The following RIF1 variants were observed in gnomAD, a reference collection of about 807,000 sequenced individuals.
RIF1 encodes the protein telomere-associated protein RIF1.
In RIF1, 45 loss-of-function variants were observed where a neutral mutation model predicts 247.1. The ratio of observed to expected loss-of-function variants is 0.18; its 90% confidence interval spans 0.14 to 0.23. RIF1 has a LOEUF of 0.23. RIF1 is among the 10% of genes least tolerant of loss of function. The pLI is 1.00. For missense variants in RIF1, 2,967 were observed against 2,862.5 expected, an observed-to-expected ratio of 1.04 and a Z score of -0.83; for synonymous variants, 1,087 against 978.8, an observed-to-expected ratio of 1.11 and a Z score of -2.06.
Position 151,463,801 on chromosome 2 carries a change from T to G in RIF1, c.4281T>G (p.Ser1427=). 1 of 1,612,622 alleles carries G rather than the reference T, an allele frequency of 6.2e-7. No individual in the cohort carries two copies. Among genetic ancestry groups the G allele is most frequent in the Non-Finnish European group, 8.5e-7 (1 of 1,179,688 alleles). ...SSRRRSEVVE[S]TTESQDKENS... ...GGCGACGTTCAGAAGTAGTAGAGTC[T>G]ACCACTGAAAGCCAAGATAAGGAAA... The change falls in exon 30 of 36, where the codon TCT becomes TCG. Residue 1427 remains serine, a synonymous_variant. Transcript: ENST00000444746.
chr2:151,486,858 A>G (rs1467927545), downstream of RIF1: 12 of 152,224 alleles, frequency 7.9e-5, no homozygotes, highest in African/African-American at 2.7e-4. Flanking sequence ...CAGAAAGGGG[A>G]TGGAGAATGA....
chr2:151,453,001 C>G (rs898603583), intron 21 of RIF1, among the ~76,000 whole-genome samples: 1 of 151,970 alleles, frequency 6.6e-6, no homozygotes, highest in Non-Finnish European at 1.5e-5. Context: ...TAAGACTAAC[C>G]GAAAGGAAAT....
the RIF1 span, chr2:151,529,250 T>C: frequency 1.2e-6 from 2 of 1,613,700 alleles, no homozygotes; most frequent in Non-Finnish European, 1.7e-6. Flanking sequence ...TGCTTTGATA[T>C]GAACAGCATC....
At position 151,479,376 on chromosome 2, in the gene RIF1, C is replaced by CAA. The variant is rs1467866902; in HGVS notation, c.*4307_*4308dup. The CAA allele has an allele frequency of 6.6e-6, 1 of 152,040 alleles. No homozygotes were observed. The highest frequency in any genetic ancestry group is 1.5e-5 in the Non-Finnish European group (1 of 68,000). 9.4% of individuals were successfully genotyped at this position (152,040 alleles called of 1,614,324 possible). A position where few individuals can be genotyped will look rare whatever the true frequency, so the allele number is the denominator to read the frequency against. ...AATCTTATTGATAAGGCAAAGTAGACAAAGTATTTTCTCATGAGTATTTGT... is the reference window on the plus strand; with the variant it reads ...AATCTTATTGATAAGGCAAAGTAGACAAAAAGTATTTTCTCATGAGTATTTGT... On this transcript the variant is annotated 3_prime_UTR_variant, in exon 36 of 36. Coordinates refer to ENST00000444746, the MANE Select transcript of RIF1 (RefSeq NM_018151.5).
At chr2:151,415,589 T>TG (rs1687075879) in intron 4 of RIF1, among the ~76,000 whole-genome samples, 1 of 10,284 alleles carries the variant, frequency 9.7e-5, no homozygotes, top group African/African-American at 1.4e-4. Flanking sequence ...AAAAAAAGGA[T>TG]ATTGCTGGGT....
downstream of RIF1, among the ~76,000 whole-genome samples, chr2:151,509,889 C>G (rs942552212): frequency 6.6e-6 from 1 of 152,128 alleles, no homozygotes; most frequent in South Asian, 2.1e-4. Context: ...ATTACAGGCG[C>G]GAGCCACTGC....
At chr2:151,519,666 C>T in the RIF1 span, 7 of 1,606,014 alleles carry the variant, frequency 4.4e-6, no homozygotes, top group Admixed American at 1.2e-4. Flanking sequence ...ACCTCACTTG[C>T]AAGATTATTA....
In RIF1 at chr2:151,443,570, C is replaced by G. The variant is rs1242091081; in HGVS notation, c.1847C>G (p.Ser616Cys). 2 of 1,608,598 alleles carry G rather than the reference C, an allele frequency of 1.2e-6. No homozygotes were observed. The highest frequency in any genetic ancestry group is 2.2e-5 in the East Asian group (1 of 44,690). ...SLESLVGCVLSGPTSPLAFSD... is the reference protein window; with the variant it reads ...SLESLVGCVLCGPTSPLAFSD... ...GAATCACTTGTAGGCTGTGTTCTTT[C>G]TGGTCCAACTTCACCACTAGCTTTC... Residue 616 changes from serine (S) to cysteine (C), a missense_variant, in exon 18 of 36, where the codon TCT becomes TGT. By Grantham distance (112) the Ser-to-Cys change is moderately radical. Transcript: ENST00000444746.
intron 12 of RIF1, chr2:151,505,555 C>G (rs770374889): frequency 9.3e-6 from 15 of 1,613,232 alleles, no homozygotes; most frequent in Non-Finnish European, 1.3e-5. Flanking sequence ...TGTCCTATTG[C>G]TTCCTTATAC....
In RIF1 at chr2:151,477,065, CATT is replaced by C. The variant is rs1188086071; in HGVS notation, c.*1997_*1999del. The C allele has an allele frequency of 5.3e-5, 8 of 152,260 alleles. No individual in the cohort carries two copies. The East Asian group carries it at 9.6e-4, about 18-fold the overall frequency. 9.4% of individuals were successfully genotyped at this position (152,260 alleles called of 1,614,324 possible). ...TAAGCACAAGTATTAATTTTAAAAACATTATAGTTTAATAAAGCTGCATTTAAA... is the reference window on the plus strand; with the variant it reads ...TAAGCACAAGTATTAATTTTAAAAACATAGTTTAATAAAGCTGCATTTAAA... On this transcript the variant is annotated 3_prime_UTR_variant, in exon 36 of 36. Transcript: ENST00000444746.
the RIF1 span, chr2:151,524,536 C>G: frequency 2.5e-6 from 4 of 1,613,662 alleles, no homozygotes; most frequent in Non-Finnish European, 3.4e-6. Context: ...GTTTGGCTGC[C>G]TGTGTGGCCT....
At chr2:151,435,839 C>G (rs1477686858) in intron 11 of RIF1, among the ~76,000 whole-genome samples, 1 of 149,762 alleles carries the variant, frequency 6.7e-6, no homozygotes, top group Non-Finnish European at 1.5e-5. Flanking sequence ...GATGTTTTTT[C>G]AGTACATTAT....
chr2:151,465,327 G>T lies in RIF1; in HGVS notation c.5807G>T (p.Gly1936Val). ...CATGGACAAGAGAGAACCAAAACTG[G>T]TATTTCTGAAGAAGCAGCAATAGAA... The part of the protein sequence containing the change: ...SFHGQERTKT[G>V]ISEEAAIEEN... The change falls in exon 30 of 36, where the codon GGT (glycine) becomes GTT (valine). Residue 1936 changes from glycine (G) to valine (V), a missense_variant. Around this residue, in one of 7 missense-constraint regions of RIF1, gnomAD observed 2,028 missense variants for 1,825.6 expected, o/e 1.11. Coordinates refer to ENST00000444746, the MANE Select transcript of RIF1 (RefSeq NM_018151.5). 1 of 1,613,824 alleles carries T rather than the reference G, an allele frequency of 6.2e-7. No individual in the cohort carries two copies. The highest frequency in any genetic ancestry group is 8.5e-7 in the Non-Finnish European group (1 of 1,179,960).
chr2:151,507,651 G>T (rs1299917637), intron 13 of RIF1: 16 of 225,922 alleles, frequency 7.1e-5, no homozygotes, highest in Non-Finnish European at 2.6e-5. Flanking sequence ...ATATTTCCCT[G>T]TTTCTTTGGG....
chr2:151,490,124 T>C, intron 9 of RIF1: 1 of 1,427,578 alleles, frequency 7.0e-7, no homozygotes, highest in East Asian at 2.3e-5. Context: ...AATGGCTAGG[T>C]ATCCTTTAAT....
chr2:151,499,476 C>T (rs2062810075), exon 11 of RIF1: 4 of 714,786 alleles, frequency 5.6e-6, no homozygotes, highest in Admixed American at 2.2e-5. Context: ...TGGTATAAAA[C>T]TACAGACGTC....
the RIF1 span, chr2:151,513,553 A>C: frequency 6.6e-7 from 1 of 1,512,362 alleles, no homozygotes; most frequent in Non-Finnish European, 9.1e-7. Flanking sequence ...CTTTCCTGAA[A>C]GATTGACATC....
chr2:151,412,373 T>C (rs1279374923), intron 3 of RIF1, among the ~76,000 whole-genome samples: 1 of 152,016 alleles, frequency 6.6e-6, no homozygotes, highest in Non-Finnish European at 1.5e-5. Context: ...AAAATTGAGG[T>C]GGGGGTCTTG....
intron 30 of RIF1, 95 bp from the exon 31 acceptor site, chr2:151,467,905 C>A: frequency 8.3e-7 from 1 of 1,210,842 alleles, no homozygotes; most frequent in Non-Finnish European, 1.2e-6. Flanking sequence ...TCTAAACCCA[C>A]ATTCTATTTT....
Sources: allele counts gnomAD v4.1 joint callset (sites outside exome capture counted in the v4.1 genomes callset), GRCh38; gene constraint gnomAD v4.1.1; regional missense constraint gnomAD v4.1.1; transcripts MANE v1.5; gene names NCBI Gene and HGNC (gene_info 2026-07-23, HGNC 2026-07-21).